Variants in SHC4 observed in about 807,000 individuals in gnomAD.
SHC4 encodes the protein SHC adaptor protein 4.
A neutral mutation model predicts 69.4 loss-of-function variants in SHC4; 41 were observed. The ratio of observed to expected loss-of-function variants is 0.59; its 90% CI spans 0.46 to 0.77. The LOEUF is 0.77. Among genes scored for constraint, SHC4 ranks in the 30% least tolerant of loss-of-function variants. SHC4 has a pLI of 0.00. For missense variants in SHC4, 777 were observed against 783.8 expected (o/e 0.99, Z 0.10); for synonymous variants, 318 against 299.3 (o/e 1.06, Z -0.64).
At chr15:48,864,739 G>T (rs556252064) in intron 6 of SHC4, among the ~76,000 whole-genome samples, 1 of 152,012 alleles carries the variant, frequency 6.6e-6, no homozygotes, top group African/African-American at 2.4e-5. Flanking sequence ...GAGCCACCGC[G>T]CCCGGCCTCC....
intron 6 of SHC4, among the ~76,000 whole-genome samples, chr15:48,860,992 G>A (rs937384692): frequency 2.0e-5 from 3 of 152,322 alleles, no homozygotes; most frequent in African/African-American, 4.8e-5. Context: ...AGCCTCTAAC[G>A]CTTCTGGCGT....
At chr15:48,865,203 T>A (rs12443433) in intron 6 of SHC4, among the ~76,000 whole-genome samples, 19,945 of 152,218 alleles carry the variant, frequency 0.13, 1,422 homozygotes, top group African/African-American at 0.16. Context: ...ATTTGTGTAT[T>A]CAAAAGCTGT....
chr15:48,866,355 T>A (rs1055790888), intron 6 of SHC4, among the ~76,000 whole-genome samples: 1 of 152,224 alleles, frequency 6.6e-6, no homozygotes, highest in African/African-American at 2.4e-5. Context: ...TATTTCATAC[T>A]GTTTATCCTC....
At chr15:48,961,875 C>T (rs1253482141) in intron 1 of SHC4, among the ~76,000 whole-genome samples, 2 of 152,266 alleles carry the variant, frequency 1.3e-5, no homozygotes, top group Admixed American at 6.5e-5. Flanking sequence ...AATAAATGTG[C>T]ACCGGAGAGC....
chr15:48,829,058 T>C (rs1898746755), intron 11 of SHC4, among the ~76,000 whole-genome samples: 1 of 152,218 alleles, frequency 6.6e-6, no homozygotes, highest in Non-Finnish European at 1.5e-5. Flanking sequence ...TTGTTGCCTG[T>C]GGAAATACCA....
intron 2 of SHC4, among the ~76,000 whole-genome samples, chr15:48,909,435 A>T (rs1900468351): frequency 6.6e-6 from 1 of 152,156 alleles, no homozygotes; most frequent in African/African-American, 2.4e-5. Context: ...AATCAGTTCT[A>T]GGAGCTTTCT....
chr15:48,826,307 A>G (rs1361908259), intron 11 of SHC4, among the ~76,000 whole-genome samples, 181 bp from the exon 12 acceptor site: 3 of 149,174 alleles, frequency 2.0e-5, no homozygotes, highest in East Asian at 3.9e-4. Context: ...GTTAGAGTGT[A>G]GTGGCACGAT....
intron 10 of SHC4, among the ~76,000 whole-genome samples, chr15:48,835,941 G>T (rs1411389729): frequency 6.7e-6 from 1 of 150,036 alleles, no homozygotes; most frequent in African/African-American, 2.5e-5. Flanking sequence ...ACTTTGGGAG[G>T]CCGAGGCAGG....
At chr15:48,913,066 G>C (rs1177279987) in intron 2 of SHC4, among the ~76,000 whole-genome samples, 2 of 150,798 alleles carry the variant, frequency 1.3e-5, no homozygotes, top group African/African-American at 4.9e-5. Context: ...TATTGGGCTG[G>C]TTGGCCTCCT....
At chr15:48,901,844 A>G (rs12441521) in intron 2 of SHC4, among the ~76,000 whole-genome samples, 22,799 of 152,138 alleles carry the variant, frequency 0.15, 1,888 homozygotes, top group African/African-American at 0.21. Flanking sequence ...AGTGCTTTGA[A>G]CAGTACCTCA....
chr15:48,942,115 G>T (rs1901185938), intron 1 of SHC4, among the ~76,000 whole-genome samples: 1 of 152,040 alleles, frequency 6.6e-6, no homozygotes, highest in African/African-American at 2.4e-5. Context: ...GTTGCTTCAG[G>T]ATTACATCAC....
intron 1 of SHC4, among the ~76,000 whole-genome samples, chr15:48,941,330 G>A (rs934851656): frequency 6.6e-6 from 1 of 152,198 alleles, no homozygotes; most frequent in Non-Finnish European, 1.5e-5. Context: ...GTTGGCTTTT[G>A]TGGAACATTA....
chr15:48,830,982 C>T (rs189277763), intron 11 of SHC4, among the ~76,000 whole-genome samples: 2 of 152,186 alleles, frequency 1.3e-5, no homozygotes, highest in African/African-American at 4.8e-5. Context: ...GATGATCCTG[C>T]CCCTGTCTAG....
intron 1 of SHC4, among the ~76,000 whole-genome samples, chr15:48,933,507 G>A (rs1901010808): frequency 6.6e-6 from 1 of 152,110 alleles, no homozygotes; most frequent in African/African-American, 2.4e-5. Flanking sequence ...CCCAAAAGCT[G>A]ATCTAAAACT....
chr15:48,905,750 T>A (rs1391167272), intron 2 of SHC4, among the ~76,000 whole-genome samples: 1 of 152,236 alleles, frequency 6.6e-6, no homozygotes, highest in Non-Finnish European at 1.5e-5. Context: ...TTCAAACACT[T>A]GAAGCCATCT....
intron 2 of SHC4, among the ~76,000 whole-genome samples, chr15:48,891,064 T>G (rs1369373374): frequency 2.0e-5 from 3 of 152,192 alleles, no homozygotes; most frequent in African/African-American, 7.2e-5. Context: ...TTCATCTCTG[T>G]TTTTCCTTGG....
chr15:48,962,802 C>T lies in SHC4; in HGVS notation c.214G>A (p.Ala72Thr). ...ALAPHLPTED[A>T]TLPSQESPTP... ...GGGCTCTCCTGCGACGGCAAGGTGG[C>T]ATCTTCAGTCGGCAGGTGAGGTGCC... The change falls in exon 1 of 12, where the codon GCC becomes ACC. Residue 72 changes from alanine to threonine, a missense_variant. Physicochemically the swap from Ala to Thr is moderately conservative, Grantham distance 58. Transcript: ENST00000332408. 3 of 1,609,202 alleles carry T rather than the reference C, an allele frequency of 1.9e-6. No individual in the cohort carries two copies. The highest frequency in any genetic ancestry group is 2.5e-6 in the Non-Finnish European group (3 of 1,177,748).
chr15:48,913,082 G>T (rs2141017800), intron 2 of SHC4, among the ~76,000 whole-genome samples: 1 of 152,126 alleles, frequency 6.6e-6, no homozygotes, highest in East Asian at 1.9e-4. Context: ...CTCCTGCCAG[G>T]AGGTGGCACT....
chr15:48,857,758 C>T lies in SHC4; in HGVS notation c.1004G>A (p.Gly335Glu), dbSNP rs771832386. The T allele has an allele frequency of 6.2e-6, 10 of 1,606,106 alleles. No individual in the cohort carries two copies. The highest frequency in any genetic ancestry group is 8.5e-7 in the Non-Finnish European group (1 of 1,175,206). ...GMAQDVISTI[G>E]QAFELRFKQY... ...TTTAAACCGGAGTTCAAAAGCCTGC[C>T]CTATGGTACTTATGACGTCTTGGGC... Residue 335 changes from glycine (G) to glutamate (E), a missense_variant, in exon 7 of 12, where the codon GGG becomes GAG. Physicochemically the swap from Gly to Glu is moderately conservative, Grantham distance 98 (BLOSUM62 -2). Coordinates refer to ENST00000332408, the MANE Select transcript of SHC4 (RefSeq NM_203349.4).
Sources: allele counts gnomAD v4.1 joint callset (sites outside exome capture counted in the v4.1 genomes callset), GRCh38; gene constraint gnomAD v4.1.1; transcripts MANE v1.5; gene names NCBI Gene and HGNC (gene_info 2026-07-23, HGNC 2026-07-21).